POC1B: variants seen among roughly 807,000 people sequenced by gnomAD.
POC1B encodes POC1 centriolar protein B, also known as POC1 centriolar protein homolog B.
POC1B carries 44 observed loss-of-function variants against 60.6 expected under a neutral mutation model. That is an observed-to-expected ratio of 0.73 (90% CI 0.57 to 0.93). The LOEUF is 0.93. POC1B is among the 40% of genes least tolerant of loss of function. POC1B has a pLI of 0.00. For synonymous variants in POC1B, 180 were observed against 198.9 expected (o/e 0.90, Z 0.80); for missense variants, 555 against 572.3 (o/e 0.97, Z 0.31).
In POC1B at chr12:89,498,324, A is replaced by G. The variant is rs114244356; in HGVS notation, c.101-982T>C. On this transcript the variant is annotated intron_variant, in intron 2 of 11. Transcript: ENST00000313546. ...TAACTGACTTGACAAAGAATGAACA[A>G]ATAAACAAATGAAAGGTAGATCTAA... Among the ~76,000 whole-genome samples the G allele has an allele frequency of 1.9e-3, 292 of 152,362 alleles. 1 individual carries two copies. Among genetic ancestry groups the G allele is most frequent in the African/African-American group, 6.8e-3 (282 of 41,588 alleles).
At chr12:89,411,219 C>T in the POC1B span, among the ~76,000 whole-genome samples, 1 of 152,178 alleles carries the variant, frequency 6.6e-6, no homozygotes, top group East Asian at 1.9e-4. Flanking sequence ...AGATTCAATG[C>T]TATTCCCATC....
At chr12:89,456,990 TTGA>T (rs1882288349) in intron 10 of POC1B, among the ~76,000 whole-genome samples, 1 of 152,220 alleles carries the variant, frequency 6.6e-6, no homozygotes, top group South Asian at 2.1e-4. Context: ...ATGTCCTACC[TTGA>T]TGAAATGAAT....
chr12:89,482,202 C>A (rs1868386731), intron 4 of POC1B, among the ~76,000 whole-genome samples: 1 of 152,022 alleles, frequency 6.6e-6, no homozygotes, highest in Non-Finnish European at 1.5e-5. Flanking sequence ...GAGAATCTCA[C>A]CAGAGAAATG....
intron 7 of POC1B, 24 bp downstream of exon 7, chr12:89,470,337 A>G: frequency 7.8e-7 from 1 of 1,281,870 alleles, no homozygotes; most frequent in Non-Finnish European, 1.0e-6. Flanking sequence ...TATATATAAA[A>G]AGCAAGAATC....
At position 89,494,995 on chromosome 12, in the gene POC1B, G is replaced by C. The variant is rs899152086; in HGVS notation, c.272+2176C>G. Among the ~76,000 whole-genome samples the C allele has an allele frequency of 2.6e-5, 4 of 152,318 alleles. No homozygotes were observed. In the East Asian group the frequency reaches 7.7e-4, roughly 29 times the overall value. The stretch of plus-strand genomic sequence containing the variant: ...AATGTGACAAATCATTGTTTCTGTA[G>C]TAAGTACTAAGGTTTTGTGACTGTC... On this transcript the variant is annotated intron_variant, in intron 3 of 11. Coordinates refer to ENST00000313546, the MANE Select transcript of POC1B (RefSeq NM_172240.3).
At chr12:89,418,293 C>T (rs566015167), downstream of POC1B, among the ~76,000 whole-genome samples, 2 of 152,214 alleles carry the variant, frequency 1.3e-5, no homozygotes, top group South Asian at 2.1e-4. Context: ...GCAAAGAGGC[C>T]GCTATGGCCA....
At chr12:89,438,639 ACTAGTCCTTCTCTGCCTTATTTG>A (rs1881381248) in intron 10 of POC1B, among the ~76,000 whole-genome samples, 1 of 152,234 alleles carries the variant, frequency 6.6e-6, no homozygotes, top group South Asian at 2.1e-4. Context: ...CTTGTTACCT[ACTAGTCCTTCTCTGCCTTATTTG>A]CAGGCTTATC....
intron 4 of POC1B, among the ~76,000 whole-genome samples, chr12:89,476,751 T>C (rs376839448): frequency 1.8e-4 from 19 of 105,022 alleles, no homozygotes; most frequent in African/African-American, 6.5e-4. Context: ...GATAGATAGA[T>C]AGATAGATAG....
At position 89,441,114 on chromosome 12, in the gene POC1B, A is replaced by G. The variant is rs116792100; in HGVS notation, c.1114-15735T>C. On this transcript the variant is annotated intron_variant, in intron 10 of 11. Transcript: ENST00000313546. ...GCTTGAGTAGATAAACAAAGTTGCC[A>G]GGAAGCTCGAACAGGGTGGAACCCA... 8.8e-3 allele frequency among the ~76,000 whole-genome samples: 1,342 copies of G among 152,346 alleles called. 21 individuals carry two copies. The highest frequency in any genetic ancestry group is 0.031 in the African/African-American group (1,294 of 41,586).
downstream of POC1B, among the ~76,000 whole-genome samples, chr12:89,418,087 G>C (rs888690714): frequency 7.2e-5 from 11 of 152,320 alleles, no homozygotes; most frequent in African/African-American, 2.6e-4. Flanking sequence ...AAGTGCACTG[G>C]AGAAAATGAA....
chr12:89,489,806 C>G (rs1382874105), intron 4 of POC1B, among the ~76,000 whole-genome samples: 1 of 152,238 alleles, frequency 6.6e-6, no homozygotes, highest in Non-Finnish European at 1.5e-5. Context: ...CCCCTATCCC[C>G]ATGCCTAGAA....
At chr12:89,412,779 T>G in the POC1B span, among the ~76,000 whole-genome samples, 1 of 151,646 alleles carries the variant, frequency 6.6e-6, no homozygotes, top group African/African-American at 2.4e-5. Context: ...TTCGAGTTCA[T>G]GAAACCATCA....
the POC1B span, among the ~76,000 whole-genome samples, chr12:89,402,176 T>C: frequency 6.6e-6 from 1 of 152,184 alleles, no homozygotes; most frequent in South Asian, 2.1e-4. Flanking sequence ...CCTTAAAACA[T>C]TGCCCCAGAG....
intron 9 of POC1B, among the ~76,000 whole-genome samples, chr12:89,460,323 G>T (rs1367371022): frequency 6.6e-6 from 1 of 151,914 alleles, no homozygotes; most frequent in African/African-American, 2.4e-5. Flanking sequence ...TTATGGAAAA[G>T]AATAAAACTT....
intron 4 of POC1B, among the ~76,000 whole-genome samples, chr12:89,478,243 C>A (rs982059219): frequency 1.3e-5 from 2 of 152,178 alleles, no homozygotes; most frequent in South Asian, 2.1e-4. Flanking sequence ...CCTGCTTCCC[C>A]AGGTAGCTGG....
chr12:89,494,385 TGTG>T (rs1442788814), intron 3 of POC1B, among the ~76,000 whole-genome samples: 2 of 152,082 alleles, frequency 1.3e-5, no homozygotes, highest in African/African-American at 4.8e-5. Context: ...GGTCACCAGC[TGTG>T]GTGTCTATCT....
intron 2 of POC1B, among the ~76,000 whole-genome samples, chr12:89,518,202 C>T (rs559795119): frequency 3.9e-5 from 6 of 152,002 alleles, no homozygotes; most frequent in Admixed American, 1.3e-4. Flanking sequence ...TCACCTTTTA[C>T]AGTAATCTCC....
chr12:89,427,303 T>C (rs1880807698), intron 10 of POC1B: 1 of 152,222 alleles, frequency 6.6e-6, no homozygotes, highest in Admixed American at 6.5e-5. Context: ...GAAAGAATTA[T>C]CTTTTTAACA....
intron 10 of POC1B, among the ~76,000 whole-genome samples, chr12:89,443,079 G>C (rs182346510): frequency 6.9e-4 from 105 of 152,250 alleles, no homozygotes; most frequent in African/African-American, 2.4e-3. Flanking sequence ...TGCACCCAAT[G>C]CAGGAGCACC....
Sources: allele counts gnomAD v4.1 joint callset (sites outside exome capture counted in the v4.1 genomes callset), GRCh38; gene constraint gnomAD v4.1.1; transcripts MANE v1.5; gene names NCBI Gene and HGNC (gene_info 2026-07-23, HGNC 2026-07-21).